Variants in CCT6B observed in about 807,000 individuals in gnomAD.
CCT6B encodes the protein chaperonin containing TCP1 subunit 6B, also known as probable T-complex protein 1 subunit zeta-2.
In CCT6B, 49 loss-of-function variants were observed where a neutral mutation model predicts 61.5. The ratio of observed to expected loss-of-function variants is 0.80; its 90% CI spans 0.63 to 1.01. CCT6B has a LOEUF of 1.01. Among genes scored for constraint, CCT6B ranks in the 50% least tolerant of loss-of-function variants. The pLI, the probability that CCT6B is intolerant of heterozygous loss-of-function variation, is 0.00. For missense variants in CCT6B, 666 were observed against 634.7 expected, an observed-to-expected ratio of 1.05 and a Z score of -0.53; for synonymous variants, 228 against 214.5, an observed-to-expected ratio of 1.06 and a Z score of -0.55.
At chr17:34,959,123 C>T (rs1022051604) in intron 2 of CCT6B, among the ~76,000 whole-genome samples, 298 of 102,496 alleles carry the variant, frequency 2.9e-3, no homozygotes, top group Middle Eastern at 9.3e-3. Flanking sequence ...AAAAAAAAAA[C>T]TTTTTTTTTT....
At chr17:34,956,442 G>A (rs2090348503) in intron 3 of CCT6B, among the ~76,000 whole-genome samples, 3 of 152,118 alleles carry the variant, frequency 2.0e-5, no homozygotes, top group Non-Finnish European at 4.4e-5. Flanking sequence ...TCCAGCCTCA[G>A]TGATTCCATC....
chr17:34,943,101 C>T (rs935630161), intron 5 of CCT6B, 195 bp from the exon 6 acceptor site: 3 of 463,438 alleles, frequency 6.5e-6, no homozygotes, highest in Admixed American at 3.7e-5. Context: ...AGGCTGGCCA[C>T]GAACTCCTGG....
Position 34,928,031 on chromosome 17 carries a change from G to A in CCT6B, c.*17C>T, listed in dbSNP as rs1177099919. On this transcript the variant is annotated 3_prime_UTR_variant, in exon 14 of 14. Coordinates refer to ENST00000314144, the MANE Select transcript of CCT6B (RefSeq NM_006584.4). Reference sequence around the variant, plus strand: ...CTAAATTTCATCTTCTAGAAGGGTTGATTTTGAATTCAATCATCATTTGAG... The same window carrying A: ...CTAAATTTCATCTTCTAGAAGGGTTAATTTTGAATTCAATCATCATTTGAG... 1.3e-5 allele frequency: 21 copies of A among 1,589,512 alleles called. No individual in the cohort carries two copies. The highest frequency in any genetic ancestry group is 1.6e-5 in the Non-Finnish European group (18 of 1,160,950).
intron 5 of CCT6B, among the ~76,000 whole-genome samples, chr17:34,948,207 T>C (rs2090247136): frequency 6.6e-6 from 1 of 152,056 alleles, no homozygotes; most frequent in African/African-American, 2.4e-5. Flanking sequence ...TCTCCCACCC[T>C]TCCCCCCGGG....
At chr17:34,940,733 C>T in intron 7 of CCT6B, 112 bp from the exon 8 acceptor site, 1 of 458,800 alleles carries the variant, frequency 2.2e-6, no homozygotes, top group East Asian at 3.5e-5. Flanking sequence ...ACCCAAAAAG[C>T]TTTTGTTTAT....
At chr17:34,949,104 AAG>A (rs1482567447) in intron 5 of CCT6B, among the ~76,000 whole-genome samples, 66 of 70,040 alleles carry the variant, frequency 9.4e-4, no homozygotes, top group East Asian at 2.9e-3. Flanking sequence ...GGGAAAAGAA[AAG>A]AGAAAAGAAA....
Position 34,928,065 on chromosome 17 carries a change from T to A in CCT6B, c.1576A>T (p.Met526Leu), listed in dbSNP as rs779207902. 4.3e-6 allele frequency: 7 copies of A among 1,611,210 alleles called. No homozygotes were observed. The African/African-American group carries it at 9.4e-5, about 22-fold the overall frequency. ...LLVDEIMRAG[M>L]SSLK ...TTCAATCATCATTTGAGAGAAGACA[T>A]CCCAGCTCGCATAATTTCATCAACC... Residue 526 changes from methionine (M) to leucine (L), a missense_variant, in exon 14 of 14, where the codon ATG (methionine) becomes TTG (leucine). Coordinates refer to ENST00000314144, the MANE Select transcript of CCT6B (RefSeq NM_006584.4).
chr17:34,961,368 G>A lies in CCT6B; in HGVS notation c.26C>T (p.Ser9Phe), dbSNP rs2090415627. The change falls in exon 1 of 14, where the codon TCC becomes TTC. Residue 9 changes from serine (S) to phenylalanine (F), a missense_variant. By Grantham distance (155) the Ser-to-Phe change is radical. Coordinates refer to ENST00000314144, the MANE Select transcript of CCT6B (RefSeq NM_006584.4). MAAIKAVN[S>F]KAEVARARAA... ...CCGGGCCCGCGCCACCTCAGCCTTG[G>A]AGTTGACGGCCTTTATCGCAGCCAT... 1.9e-6 allele frequency: 3 copies of A among 1,610,978 alleles called. No individual in the cohort carries two copies. The highest frequency in any genetic ancestry group is 2.7e-5 in the African/African-American group (2 of 74,950).
chr17:34,931,530 T>G (rs955837550), intron 11 of CCT6B, among the ~76,000 whole-genome samples: 6 of 152,096 alleles, frequency 3.9e-5, no homozygotes, highest in Admixed American at 2.6e-4. Context: ...TGGAGATACC[T>G]GCACTCCAAA....
intron 13 of CCT6B, among the ~76,000 whole-genome samples, chr17:34,928,691 T>C (rs1387645681): frequency 1.3e-5 from 2 of 152,246 alleles, no homozygotes; most frequent in Admixed American, 6.5e-5. Flanking sequence ...CCATCATGCA[T>C]GTGCTATTAT....
intron 5 of CCT6B, among the ~76,000 whole-genome samples, chr17:34,950,403 T>C (rs1360554227): frequency 2.0e-5 from 3 of 152,028 alleles, no homozygotes. Context: ...GAAAAAATTA[T>C]CACAACAAGG....
At chr17:34,941,439 T>C (rs1295212010) in intron 7 of CCT6B, among the ~76,000 whole-genome samples, 1 of 152,262 alleles carries the variant, frequency 6.6e-6, no homozygotes, top group Admixed American at 6.5e-5. Flanking sequence ...TTTGTTAATA[T>C]CACTACTATT....
At chr17:34,939,547 A>G in intron 9 of CCT6B, 70 bp downstream of exon 9, 1 of 996,038 alleles carries the variant, frequency 1.0e-6, no homozygotes, top group Non-Finnish European at 1.6e-6. Context: ...ATAAAAGGTC[A>G]AGTAGTATTT....
chr17:34,939,815 T>C, intron 8 of CCT6B, 102 bp from the exon 9 acceptor site: 3 of 738,756 alleles, frequency 4.1e-6, no homozygotes, highest in Non-Finnish European at 7.1e-6. Context: ...TGTTACTGTA[T>C]TGTATTGTTT....
intron 4 of CCT6B, among the ~76,000 whole-genome samples, chr17:34,953,146 T>A (rs1020961404): frequency 2.6e-5 from 4 of 152,094 alleles, no homozygotes; most frequent in Non-Finnish European, 1.5e-5. Flanking sequence ...AGTATTCTGC[T>A]TTGTATGTCA....
At chr17:34,931,257 T>C (rs956123163) in intron 11 of CCT6B, among the ~76,000 whole-genome samples, 3 of 152,136 alleles carry the variant, frequency 2.0e-5, no homozygotes, top group Non-Finnish European at 4.4e-5. Flanking sequence ...ATTTCCCCTA[T>C]GCACGTCACA....
chr17:34,934,670 C>T (rs1024818234), intron 10 of CCT6B, among the ~76,000 whole-genome samples: 6 of 152,160 alleles, frequency 3.9e-5, no homozygotes, highest in African/African-American at 1.2e-4. Flanking sequence ...TCATTAAAAG[C>T]TTTCCCACAA....
chr17:34,954,571 C>T lies in CCT6B; in HGVS notation c.365G>A (p.Gly122Glu). ...TGCTTTTATCTTTGCAGCTTCAAAT[C>T]CTTCAGCTATTATTCTAGGGTGCAG... ...EGLHPRIIAE[G>E]FEAAKIKALE... is the part of the protein sequence containing the mutation. Residue 122 changes from glycine to glutamate, a missense_variant, in exon 4 of 14, where the codon GGA becomes GAA. Gly to Glu is a moderately conservative substitution (Grantham distance 98). Coordinates refer to ENST00000314144, the MANE Select transcript of CCT6B (RefSeq NM_006584.4). 1 of 1,613,500 alleles carries T rather than the reference C, an allele frequency of 6.2e-7. No individual in the cohort carries two copies.
chr17:34,942,977 T>C, intron 5 of CCT6B, 71 bp from the exon 6 acceptor site: 2 of 821,466 alleles, frequency 2.4e-6, no homozygotes, highest in Non-Finnish European at 3.9e-6. Flanking sequence ...ATCATTGTAC[T>C]ATTAAAGTTA....
Sources: gnomAD v4.1 joint callset for allele counts (sites outside exome capture counted in the v4.1 genomes callset) on GRCh38, gnomAD v4.1.1 for gene constraint, MANE v1.5 for transcripts, NCBI Gene and HGNC (gene_info 2026-07-23, HGNC 2026-07-21) for gene names.